Variants in TANC1 observed in about 807,000 individuals in gnomAD.
TANC1 encodes the protein protein TANC1.
In TANC1, 77 loss-of-function variants were observed where a neutral mutation model predicts 149.7. The ratio of observed to expected loss-of-function variants is 0.51; its 90% confidence interval spans 0.43 to 0.62. The LOEUF is 0.62. Ranked by LOEUF, TANC1 falls within the 20% of genes least tolerant of loss-of-function variation. TANC1 has a pLI of 0.00. For synonymous variants in TANC1, 854 were observed against 925.0 expected (o/e 0.92, Z 1.39); for missense variants, 1,985 against 2,321.8 (o/e 0.85, Z 2.98).
chr2:159,195,086 G>A (rs2150705462), intron 17 of TANC1, among the ~76,000 whole-genome samples: 1 of 152,306 alleles, frequency 6.6e-6, no homozygotes, highest in African/African-American at 2.4e-5. Flanking sequence ...CATATATGAA[G>A]TAAGTATGTA....
chr2:159,179,440 C>T (rs1559406464), intron 14 of TANC1, among the ~76,000 whole-genome samples: 1 of 152,054 alleles, frequency 6.6e-6, no homozygotes. Context: ...TCCTTCCTTA[C>T]TGTCCATTGT....
intron 4 of TANC1, among the ~76,000 whole-genome samples, chr2:159,131,150 G>A (rs919409149): frequency 6.6e-6 from 1 of 152,088 alleles, no homozygotes; most frequent in Non-Finnish European, 1.5e-5. Context: ...CTGGGGGCTG[G>A]GGGTGGGAGA....
intron 2 of TANC1, among the ~76,000 whole-genome samples, chr2:159,034,749 T>C (rs1452810739): frequency 6.6e-6 from 1 of 152,260 alleles, no homozygotes; most frequent in East Asian, 1.9e-4. Context: ...GCTTGCTTTC[T>C]ATTAAATAGC....
In TANC1 at chr2:159,175,120, T is replaced by C. The variant is rs1251030564; in HGVS notation, c.1671T>C (p.Cys557=). 2.5e-6 allele frequency: 4 copies of C among 1,614,072 alleles called. No individual in the cohort carries two copies. The African/African-American group carries it at 4.0e-5, about 16-fold the overall frequency. The change falls in exon 12 of 27, where the codon TGT becomes TGC. Residue 557 remains cysteine, a synonymous_variant. Coordinates refer to ENST00000263635, the MANE Select transcript of TANC1 (RefSeq NM_033394.3). ...AGAGCATGCTGAGCCTCCGATCCTG[T>C]GTGCAGGACCCGGTGGCAGCTTTCA... ...QLQSMLSLRS[C]VQDPVAAFKR...
chr2:159,177,400 T>C lies in TANC1; in HGVS notation c.1902+882T>C, dbSNP rs550448669. On this transcript the variant is annotated intron_variant, in intron 13 of 26. Coordinates refer to ENST00000263635, the MANE Select transcript of TANC1 (RefSeq NM_033394.3). ...CCTATCCTTTTTCAGTGAAGACTTT[T>C]AGACATTAGGTTTTGATTTTTGCCC... 2.6e-5 allele frequency among the ~76,000 whole-genome samples: 4 copies of C among 152,342 alleles called. No individual in the cohort carries two copies. In the South Asian group the frequency reaches 6.2e-4, roughly 24 times the overall value.
At chr2:159,174,092 G>A (rs1161631391) in intron 11 of TANC1, among the ~76,000 whole-genome samples, 2 of 152,192 alleles carry the variant, frequency 1.3e-5, no homozygotes, top group South Asian at 2.1e-4. Flanking sequence ...CTCTTGGCAC[G>A]AGTGTTTTGC....
chr2:159,006,024 G>A (rs2037129897), intron 2 of TANC1, among the ~76,000 whole-genome samples: 1 of 152,102 alleles, frequency 6.6e-6, no homozygotes, highest in African/African-American at 2.4e-5. Flanking sequence ...GCCGGGCGCA[G>A]TGACTTACAC....
chr2:159,185,008 A>T (rs114831926), intron 14 of TANC1, among the ~76,000 whole-genome samples: 99 of 152,340 alleles, frequency 6.5e-4, no homozygotes, highest in African/African-American at 2.3e-3. Flanking sequence ...TACTAGGAGG[A>T]TGCGTTTTAA....
intron 19 of TANC1, among the ~76,000 whole-genome samples, chr2:159,215,445 G>A (rs12465564): frequency 0.5 from 75,603 of 152,056 alleles, 19,795 homozygotes; most frequent in East Asian, 0.86. Context: ...CATGCTGACT[G>A]GTGTGACCAG....
At chr2:159,078,798 A>C (rs967047153) in intron 3 of TANC1, among the ~76,000 whole-genome samples, 1 of 152,178 alleles carries the variant, frequency 6.6e-6, no homozygotes, top group Non-Finnish European at 1.5e-5. Flanking sequence ...GTAACGTAAG[A>C]GTCTGTTTGA....
At chr2:158,969,733 G>T (rs2032557751) in intron 1 of TANC1, among the ~76,000 whole-genome samples, 1 of 152,244 alleles carries the variant, frequency 6.6e-6, no homozygotes, top group South Asian at 2.1e-4. Flanking sequence ...GACTTATTGT[G>T]TAAAGCTCCG....
intron 4 of TANC1, among the ~76,000 whole-genome samples, chr2:159,105,967 G>GT (rs1378236004): frequency 8.0e-6 from 1 of 125,320 alleles, no homozygotes; most frequent in African/African-American, 2.7e-5. Flanking sequence ...AGTCATGTAT[G>GT]TTTAAAAAAA....
intron 4 of TANC1, among the ~76,000 whole-genome samples, chr2:159,100,173 T>C (rs1391289264): frequency 6.6e-6 from 1 of 152,230 alleles, no homozygotes; most frequent in Non-Finnish European, 1.5e-5. Context: ...TCTGTGCTAC[T>C]GCAAATGAAT....
intron 19 of TANC1, among the ~76,000 whole-genome samples, chr2:159,202,153 G>C (rs913878273): frequency 6.6e-6 from 1 of 152,170 alleles, no homozygotes; most frequent in Non-Finnish European, 1.5e-5. Flanking sequence ...CAGCAGCCCC[G>C]TGGAGGTCCC....
intron 4 of TANC1, among the ~76,000 whole-genome samples, chr2:159,113,306 A>C (rs1045471521): frequency 3.9e-5 from 6 of 152,134 alleles, no homozygotes; most frequent in Non-Finnish European, 8.8e-5. Context: ...ACTGCCTCCT[A>C]AACAGAAAAA....
At chr2:159,171,488 G>T (rs909944951) in intron 10 of TANC1, among the ~76,000 whole-genome samples, 2 of 152,142 alleles carry the variant, frequency 1.3e-5, no homozygotes, top group East Asian at 3.9e-4. Flanking sequence ...ACCAGTCATA[G>T]TGGTGCCTGC....
At chr2:159,083,209 C>T (rs1005254787) in intron 3 of TANC1, among the ~76,000 whole-genome samples, 1 of 151,932 alleles carries the variant, frequency 6.6e-6, no homozygotes, top group African/African-American at 2.4e-5. Context: ...CCGGCCTTGG[C>T]CTCCCAAAGT....
At chr2:159,062,880 T>C (rs543249024) in intron 2 of TANC1, among the ~76,000 whole-genome samples, 4 of 144,398 alleles carry the variant, frequency 2.8e-5, no homozygotes, top group African/African-American at 1.0e-4. Context: ...GGCAGGAGAA[T>C]GGCGTGAACC....
chr2:159,172,561 C>T (rs917666646), intron 11 of TANC1, among the ~76,000 whole-genome samples: 1 of 152,320 alleles, frequency 6.6e-6, no homozygotes, highest in African/African-American at 2.4e-5. Flanking sequence ...TGCTTATCTG[C>T]ATGTGCTCTT....
Sources: gnomAD v4.1 joint callset for allele counts (sites outside exome capture counted in the v4.1 genomes callset) on GRCh38, gnomAD v4.1.1 for gene constraint, MANE v1.5 for transcripts, NCBI Gene and HGNC (gene_info 2026-07-23, HGNC 2026-07-21) for gene names.